KATNIP: variants seen among roughly 807,000 people sequenced by gnomAD.
KATNIP encodes the protein katanin-interacting protein.
Under a neutral mutation model 174.0 loss-of-function variants are expected in KATNIP, and 126 were observed. The observed-to-expected ratio is 0.72, with a 90% CI of 0.63 to 0.84. The LOEUF (loss-of-function observed/expected upper bound fraction) is 0.84. KATNIP is among the 40% of genes least tolerant of loss of function. The pLI, the probability that KATNIP is intolerant of heterozygous loss-of-function variation, is 0.00. For synonymous variants in KATNIP, 810 were observed against 835.7 expected (o/e 0.97, Z 0.53); for missense variants, 1,958 against 2,109.7 (o/e 0.93, Z 1.41).
chr16:27,670,544 G>T (rs886473390), intron 6 of KATNIP, among the ~76,000 whole-genome samples: 2 of 152,198 alleles, frequency 1.3e-5, no homozygotes, highest in Admixed American at 6.5e-5. Context: ...TTACTTTCCA[G>T]TCTGGACCTC....
At chr16:27,665,380 T>C (rs1002280812) in intron 6 of KATNIP, among the ~76,000 whole-genome samples, 17 of 151,464 alleles carry the variant, frequency 1.1e-4, no homozygotes, top group African/African-American at 3.9e-4. Flanking sequence ...GCTGGGATTA[T>C]AGGCATGAGC....
chr16:27,654,172 C>T (rs1337305820), intron 6 of KATNIP, among the ~76,000 whole-genome samples: 1 of 152,168 alleles, frequency 6.6e-6, no homozygotes. Flanking sequence ...GATGGGATTT[C>T]ACCATGTTGG....
At chr16:27,707,886 G>A (rs577903415) in intron 12 of KATNIP, among the ~76,000 whole-genome samples, 2 of 152,242 alleles carry the variant, frequency 1.3e-5, no homozygotes, top group African/African-American at 4.8e-5. Context: ...GATTGGATTA[G>A]TGCCCCCCTC....
At chr16:27,676,315 T>C (rs552847915) in intron 6 of KATNIP, among the ~76,000 whole-genome samples, 1 of 152,314 alleles carries the variant, frequency 6.6e-6, no homozygotes, top group African/African-American at 2.4e-5. Flanking sequence ...GGCTCCAGTT[T>C]TCAATTACAT....
At position 27,749,773 on chromosome 16, in the gene KATNIP, T is replaced by C. The variant is rs2081427730; in HGVS notation, c.2813T>C (p.Leu938Ser). 3.7e-6 allele frequency: 6 copies of C among 1,610,152 alleles called. No individual in the cohort carries two copies. The East Asian group carries it at 1.3e-4, about 36-fold the overall frequency. The part of the protein sequence containing the change: ...LQQKSSRHSD[L>S]PPSKKGEQPG... Reference sequence around the variant, plus strand: ...CAAAAGAGCAGCCGGCACAGCGACTTGCCCCCCTCCAAGAAGGGGGAGCAG... The same window carrying C: ...CAAAAGAGCAGCCGGCACAGCGACTCGCCCCCCTCCAAGAAGGGGGAGCAG... The change falls in exon 16 of 28, where the codon TTG becomes TCG. Residue 938 changes from leucine (L) to serine (S), a missense_variant. Leu to Ser is a moderately radical substitution (Grantham distance 145). Transcript: ENST00000261588.
intron 13 of KATNIP, 52 bp from the exon 14 acceptor site, chr16:27,721,506 G>C (rs1267479517): frequency 1.9e-6 from 3 of 1,610,030 alleles, no homozygotes; most frequent in Non-Finnish European, 2.5e-6. Flanking sequence ...ATTTTACTTT[G>C]GGGAGAGGCA....
intron 5 of KATNIP, among the ~76,000 whole-genome samples, chr16:27,631,817 A>G (rs1384746180): frequency 2.6e-5 from 4 of 152,178 alleles, no homozygotes; most frequent in Non-Finnish European, 5.9e-5. Context: ...GGTGCATATG[A>G]CAAAGCCCCT....
intron 13 of KATNIP, among the ~76,000 whole-genome samples, chr16:27,721,114 T>A (rs2143017844): frequency 6.6e-6 from 1 of 152,348 alleles, no homozygotes; most frequent in Middle Eastern, 3.4e-3. Context: ...AGTAGCTTTC[T>A]TTCTTTTCTA....
chr16:27,658,707 A>G (rs1471450781), intron 6 of KATNIP, among the ~76,000 whole-genome samples: 1 of 152,132 alleles, frequency 6.6e-6, no homozygotes, highest in Non-Finnish European at 1.5e-5. Context: ...GAAGTACAGA[A>G]GCAGATAGCC....
rs576820927 is a variant in KATNIP, at chr16:27,661,002, A to G, written c.540+12267A>G. Among the ~76,000 whole-genome samples, 7 of 152,276 alleles carry G rather than the reference A, an allele frequency of 4.6e-5. No individual in the cohort carries two copies. The South Asian group carries it at 1.5e-3, about 32-fold the overall frequency. The stretch of plus-strand genomic sequence containing the variant: ...GATTGAATGATTGAATCAATGAGTG[A>G]GTGGTATAGCTGTTGATTAGGCACC... On this transcript the variant is annotated intron_variant, in intron 6 of 27. Transcript: ENST00000261588.
intron 8 of KATNIP, among the ~76,000 whole-genome samples, chr16:27,692,051 A>G (rs977207836): frequency 1.3e-5 from 2 of 152,232 alleles, no homozygotes; most frequent in African/African-American, 4.8e-5. Context: ...ATTGGCAGTA[A>G]AAAGATAAGG....
intron 6 of KATNIP, chr16:27,654,751 CAGCATCCT>C (rs1351916204): frequency 2.2e-6 from 3 of 1,351,830 alleles, no homozygotes; most frequent in Non-Finnish European, 2.9e-6. Flanking sequence ...GATCAGTTTT[CAGCATCCT>C]AACCCCTAAG....
chr16:27,692,665 A>G (rs1011374827), intron 8 of KATNIP, among the ~76,000 whole-genome samples: 1 of 152,048 alleles, frequency 6.6e-6, no homozygotes, highest in African/African-American at 2.4e-5. Flanking sequence ...CCCCACTCAG[A>G]TATCCTCTTC....
chr16:27,749,695 GACGCATCTCCAAC>G lies in KATNIP; in HGVS notation c.2739_2751del (p.Ile914SerfsTer79). On this transcript the variant is annotated frameshift_variant, in exon 16 of 28. Coordinates refer to ENST00000261588, the MANE Select transcript of KATNIP (RefSeq NM_015202.5). LOFTEE classifies it high-confidence loss of function. ...AGTGCCTTCGACCGCTCCCACCGGG[GACGCATCTCCAAC>G]ACGGAGCTCCCGGGGGACATCCTGG... 6.2e-7 allele frequency: 1 copy of G among 1,613,548 alleles called. No homozygotes were observed. The highest frequency in any genetic ancestry group is 8.5e-7 in the Non-Finnish European group (1 of 1,179,748).
chr16:27,734,591 G>A (rs1406643584), intron 14 of KATNIP, among the ~76,000 whole-genome samples: 1 of 152,084 alleles, frequency 6.6e-6, no homozygotes, highest in African/African-American at 2.4e-5. Context: ...CAGCTACTCG[G>A]GAGGCTGAGG....
At chr16:27,722,967 G>GA (rs2080300039) in intron 14 of KATNIP, among the ~76,000 whole-genome samples, 1 of 152,202 alleles carries the variant, frequency 6.6e-6, no homozygotes, top group Non-Finnish European at 1.5e-5. Flanking sequence ...GGAGTGTGGA[G>GA]AAAGGAGCCC....
rs965070263 is a variant in KATNIP at position 27,559,313 on chromosome 16, C to A, written c.7+9136C>A. Among the ~76,000 whole-genome samples the A allele has an allele frequency of 9.2e-5, 14 of 152,286 alleles. No homozygotes were observed. The East Asian group carries it at 2.7e-3, about 29-fold the overall frequency. On this transcript the variant is annotated intron_variant, in intron 1 of 27. Coordinates refer to ENST00000261588, the MANE Select transcript of KATNIP (RefSeq NM_015202.5). ...CCAGTCTCATCTTTTTAGACACTTG[C>A]CTACCTGCTCTCACACCCAGAGGTT...
intron 13 of KATNIP, among the ~76,000 whole-genome samples, chr16:27,720,757 A>C (rs1344601588): frequency 1.3e-5 from 2 of 152,182 alleles, no homozygotes; most frequent in African/African-American, 2.4e-5. Context: ...GCAGAGGCCC[A>C]GCCTGTGCCA....
At chr16:27,696,281 T>C (rs1276172315) in intron 8 of KATNIP, among the ~76,000 whole-genome samples, 1 of 152,230 alleles carries the variant, frequency 6.6e-6, no homozygotes, top group Non-Finnish European at 1.5e-5. Context: ...TTACAGGTAT[T>C]CTGTAAGAAA....
Sources: allele counts gnomAD v4.1 joint callset (sites outside exome capture counted in the v4.1 genomes callset), GRCh38; gene constraint gnomAD v4.1.1; transcripts MANE v1.5; gene names NCBI Gene and HGNC (gene_info 2026-07-23, HGNC 2026-07-21).